The following GPHN variants were observed in gnomAD, a reference collection of about 807,000 sequenced individuals.
GPHN encodes the protein gephyrin.
Under a neutral mutation model 95.5 loss-of-function variants are expected in GPHN, and 17 were observed. The observed-to-expected ratio is 0.18, with a 90% CI of 0.12 to 0.27. The LOEUF is 0.27. GPHN is among the 10% of genes least tolerant of loss of function. The probability of loss-of-function intolerance (pLI) is 1.00; values close to 1 mark genes in which losing one functional copy is unlikely to be tolerated. For synonymous variants in GPHN, 320 were observed against 322.5 expected (o/e 0.99, Z 0.08); for missense variants, 660 against 978.1 (o/e 0.67, Z 4.34).
chr14:67,580,012 C>T, the GPHN span: 5 of 763,554 alleles, frequency 6.5e-6, no homozygotes, highest in Non-Finnish European at 1.0e-5. Context: ...CCCTAGTCAG[C>T]ATTTCTGTGC....
the GPHN span, chr14:67,203,416 C>G: frequency 1.3e-6 from 1 of 745,388 alleles, no homozygotes; most frequent in African/African-American, 1.8e-5. Context: ...CTCCCTGCTG[C>G]AAATGACAAA....
At chr14:67,209,978 A>G in the GPHN span, among the ~76,000 whole-genome samples, 4 of 152,178 alleles carry the variant, frequency 2.6e-5, no homozygotes, top group African/African-American at 4.8e-5. Flanking sequence ...AATCAACCTC[A>G]CTAATAATTA....
Position 66,508,547 on chromosome 14 carries a change from T to A in GPHN, c.20T>A (p.Ile7Asn), listed in dbSNP as rs370646151. The A allele has an allele frequency of 2.5e-6, 4 of 1,613,898 alleles. No individual in the cohort carries two copies. ...GGAAACATGGCGACCGAGGGAATGA[T>A]CCTTACTAACCACGACCATCAAATC... MATEGM[I>N]LTNHDHQIRV... The change falls in exon 1 of 23, where the codon ATC becomes AAC. Residue 7 changes from isoleucine (I) to asparagine (N), a missense_variant. Physicochemically the swap from Ile to Asn is moderately radical, Grantham distance 149 (BLOSUM62 -3). Around this residue, in one of 6 missense-constraint regions of GPHN, gnomAD observed 92 missense variants for 91.9 expected, o/e 1.00. Coordinates refer to ENST00000478722, the MANE Select transcript of GPHN (RefSeq NM_020806.5).
At chr14:67,674,278 G>A in the GPHN span, 3 of 1,156,052 alleles carry the variant, frequency 2.6e-6, no homozygotes, top group African/African-American at 3.2e-5. Context: ...CGCGGAGGGA[G>A]GAGACGCGGG....
chr14:66,716,676 T>G (rs894587275), intron 2 of GPHN, among the ~76,000 whole-genome samples: 1 of 152,236 alleles, frequency 6.6e-6, no homozygotes, highest in African/African-American at 2.4e-5. Flanking sequence ...GTTTCAAGAT[T>G]TAGAACTTCT....
At chr14:66,878,978 C>T (rs2063798572) in intron 4 of GPHN, among the ~76,000 whole-genome samples, 1 of 152,022 alleles carries the variant, frequency 6.6e-6, no homozygotes. Context: ...CAGTTATAGA[C>T]TAGATAAAGA....
the GPHN span, among the ~76,000 whole-genome samples, chr14:67,347,188 C>T: frequency 2.6e-5 from 4 of 152,064 alleles, no homozygotes; most frequent in Admixed American, 1.3e-4. Context: ...ATTTGCCTGC[C>T]TCAGCCTCCC....
chr14:66,629,077 AT>A (rs2063630077), intron 1 of GPHN, among the ~76,000 whole-genome samples: 1 of 128,082 alleles, frequency 7.8e-6, no homozygotes. Flanking sequence ...TCAAAAAAAA[AT>A]ACATATATAT....
intron 1 of GPHN, among the ~76,000 whole-genome samples, chr14:66,600,994 C>A (rs754636297): frequency 9.9e-5 from 15 of 151,868 alleles, no homozygotes; most frequent in Admixed American, 2.0e-4. Context: ...GAGGATTGAT[C>A]GTATTTCTTT....
At chr14:67,174,241 C>T (rs1012384883) in intron 21 of GPHN, among the ~76,000 whole-genome samples, 1 of 149,632 alleles carries the variant, frequency 6.7e-6, no homozygotes, top group African/African-American at 2.5e-5. Flanking sequence ...CCCCACAACC[C>T]CCCGACAGGC....
chr14:67,455,747 T>C, the GPHN span, among the ~76,000 whole-genome samples: 2 of 152,210 alleles, frequency 1.3e-5, no homozygotes, highest in East Asian at 3.8e-4. Context: ...TTCATTTGTT[T>C]CTTTTTTCAA....
chr14:66,903,029 C>T (rs1430053051), intron 5 of GPHN, among the ~76,000 whole-genome samples: 7 of 152,050 alleles, frequency 4.6e-5, no homozygotes, highest in Non-Finnish European at 7.4e-5. Context: ...GACACATACA[C>T]CCTCCCAAGA....
chr14:67,499,092 T>G, the GPHN span, among the ~76,000 whole-genome samples: 2 of 152,114 alleles, frequency 1.3e-5, no homozygotes, highest in Non-Finnish European at 2.9e-5. Context: ...AAACTCAAAC[T>G]CCTGGGTTCA....
intron 22 of GPHN, among the ~76,000 whole-genome samples, chr14:67,180,326 T>C (rs1430579889): frequency 6.6e-6 from 1 of 152,192 alleles, no homozygotes; most frequent in Non-Finnish European, 1.5e-5. Context: ...GCATTCAAAC[T>C]GGCCACCAAC....
At chr14:66,662,290 C>G (rs2065707742) in intron 1 of GPHN, among the ~76,000 whole-genome samples, 1 of 152,036 alleles carries the variant, frequency 6.6e-6, no homozygotes, top group African/African-American at 2.4e-5. Context: ...GTCTGTACCC[C>G]TCTGGGACAG....
At chr14:67,729,738 C>T in the GPHN span, 1 of 510,434 alleles carries the variant, frequency 2.0e-6, no homozygotes. Context: ...TTTTTAAATA[C>T]CAATTAGCAC....
the GPHN span, among the ~76,000 whole-genome samples, chr14:67,439,858 A>G: frequency 6.6e-5 from 10 of 151,502 alleles, no homozygotes; most frequent in Admixed American, 4.6e-4. Flanking sequence ...TTTGTTTTGA[A>G]ACAGCGTCTC....
chr14:67,724,521 C>A, the GPHN span: 16 of 1,613,340 alleles, frequency 9.9e-6, no homozygotes, highest in East Asian at 4.5e-5. Flanking sequence ...AGCTTCCTGG[C>A]AAGGTAGTGG....
chr14:66,590,872 T>G (rs979710341), intron 1 of GPHN, among the ~76,000 whole-genome samples: 11 of 152,230 alleles, frequency 7.2e-5, no homozygotes, highest in African/African-American at 2.6e-4. Flanking sequence ...TTCAGGCCAA[T>G]ATCCCTGATA....
Sources: gnomAD v4.1 joint callset for allele counts (sites outside exome capture counted in the v4.1 genomes callset) on GRCh38, gnomAD v4.1.1 for gene constraint, gnomAD v4.1.1 regional missense constraint, MANE v1.5 for transcripts, NCBI Gene and HGNC (gene_info 2026-07-23, HGNC 2026-07-21) for gene names.